Variants in NFATC1 observed in about 807,000 individuals in gnomAD.
NFATC1 encodes nuclear factor of activated T-cells, cytoplasmic 1.
NFATC1 carries 22 observed loss-of-function variants against 76.0 expected under a neutral mutation model. The observed-to-expected ratio is 0.29, with a 90% CI of 0.21 to 0.41. NFATC1 has a LOEUF of 0.41. Ranked by LOEUF, NFATC1 falls within the 10% of genes least tolerant of loss-of-function variation. The pLI is 1.00. For synonymous variants in NFATC1, 704 were observed against 613.1 expected, an observed-to-expected ratio of 1.15 and a Z score of -2.19; for missense variants, 1,357 against 1,337.7, an observed-to-expected ratio of 1.01 and a Z score of -0.23.
At chr18:79,419,461 G>A (rs1457537532) in intron 2 of NFATC1, among the ~76,000 whole-genome samples, 10 of 146,440 alleles carry the variant, frequency 6.8e-5, no homozygotes, top group Non-Finnish European at 1.4e-4. Context: ...AGGAGGGCCG[G>A]CACCTGCCTG....
intron 2 of NFATC1, among the ~76,000 whole-genome samples, chr18:79,414,949 C>T (rs897153698): frequency 6.6e-6 from 1 of 152,188 alleles, no homozygotes; most frequent in African/African-American, 2.4e-5. Context: ...CAAATGGTAG[C>T]TTTTAAAGAT....
At chr18:79,405,381 C>T (rs997995150) in intron 1 of NFATC1, among the ~76,000 whole-genome samples, 3 of 152,224 alleles carry the variant, frequency 2.0e-5, no homozygotes, top group Admixed American at 6.5e-5. Context: ...TGGTGTCTGA[C>T]GTGACATGAA....
intron 2 of NFATC1, among the ~76,000 whole-genome samples, chr18:79,425,249 G>A (rs1465113155): frequency 1.3e-5 from 2 of 148,858 alleles, no homozygotes; most frequent in Non-Finnish European, 3.0e-5. Context: ...CTGTCTCTCT[G>A]TTTCTCTCCC....
chr18:79,419,444 C>T (rs2085991473), intron 2 of NFATC1, among the ~76,000 whole-genome samples: 1 of 135,438 alleles, frequency 7.4e-6, no homozygotes, highest in Non-Finnish European at 1.6e-5. Context: ...TGCCCGGGAG[C>T]CCCCCTAGGA....
chr18:79,445,040 C>T (rs1239147500), intron 3 of NFATC1, among the ~76,000 whole-genome samples: 2 of 152,188 alleles, frequency 1.3e-5, no homozygotes, highest in Non-Finnish European at 2.9e-5. Flanking sequence ...AGGGAGGATG[C>T]GGGGGTGTGT....
At chr18:79,436,509 G>T (rs12967518) in intron 3 of NFATC1, among the ~76,000 whole-genome samples, 9 of 150,908 alleles carry the variant, frequency 6.0e-5, no homozygotes, top group Non-Finnish European at 1.5e-5. Context: ...GTGCCCCCGC[G>T]CCCGGTATCC....
chr18:79,476,151 C>T (rs562673239), intron 8 of NFATC1, among the ~76,000 whole-genome samples: 17 of 152,346 alleles, frequency 1.1e-4, no homozygotes, highest in Admixed American at 3.9e-4. Context: ...AGGAAGCCTG[C>T]GCTCTGGGAC....
chr18:79,431,660 G>T (rs1325465506), intron 2 of NFATC1, among the ~76,000 whole-genome samples: 2 of 152,114 alleles, frequency 1.3e-5, no homozygotes, highest in Non-Finnish European at 2.9e-5. Context: ...CAAAGTTTTG[G>T]GATTACAGGC....
At chr18:79,511,984 C>T (rs1428353004) in intron 9 of NFATC1, among the ~76,000 whole-genome samples, 1 of 152,138 alleles carries the variant, frequency 6.6e-6, no homozygotes, top group Non-Finnish European at 1.5e-5. Context: ...GCAGCTGAGA[C>T]GTCCGCAGCC....
chr18:79,426,395 C>A (rs1308185498), intron 2 of NFATC1, among the ~76,000 whole-genome samples: 1 of 152,236 alleles, frequency 6.6e-6, no homozygotes, highest in East Asian at 1.9e-4. Flanking sequence ...TGGCCGGCTC[C>A]CCAGGCCACG....
At chr18:79,438,383 C>T (rs1051988933) in intron 3 of NFATC1, among the ~76,000 whole-genome samples, 2 of 152,200 alleles carry the variant, frequency 1.3e-5, no homozygotes, top group African/African-American at 4.8e-5. Context: ...CCCCGGCCCT[C>T]GGCCTCCACC....
chr18:79,475,117 C>T (rs2089001192), intron 8 of NFATC1, among the ~76,000 whole-genome samples: 3 of 145,648 alleles, frequency 2.1e-5, no homozygotes, highest in African/African-American at 7.9e-5. Context: ...TTCTCACGCT[C>T]ACTGTCGACA....
chr18:79,486,755 C>G lies in NFATC1; in HGVS notation c.2600C>G (p.Ala867Gly), dbSNP rs763047062. 1 of 1,603,426 alleles carries G rather than the reference C, an allele frequency of 6.2e-7. No homozygotes were observed. Among genetic ancestry groups the G allele is most frequent in the East Asian group, 2.2e-5 (1 of 44,676 alleles). ...ACCTGCCTGCAGCCCTGCAGCCCAG[C>G]GTGCCCGCCCGCCACGGGCCGCCCG... ...EPTCLQPCSP[A>G]CPPATGRPQH... Residue 867 changes from alanine (A) to glycine (G), a missense_variant, in exon 9 of 10, where the codon GCG (alanine) becomes GGG (glycine). By Grantham distance (60) the Ala-to-Gly change is moderately conservative. This residue lies in a region of NFATC1 where 424 missense variants were observed against 395.4 expected (regional missense o/e 1.07). Coordinates refer to ENST00000427363, the MANE Select transcript of NFATC1 (RefSeq NM_001278669.2).
intron 9 of NFATC1, among the ~76,000 whole-genome samples, chr18:79,504,075 G>A (rs111947395): frequency 1.2e-4 from 18 of 152,086 alleles, no homozygotes; most frequent in African/African-American, 2.9e-4. Context: ...CAGATCACTC[G>A]GACTTTCTCT....
intron 8 of NFATC1, among the ~76,000 whole-genome samples, chr18:79,480,631 T>G (rs2089239411): frequency 6.6e-6 from 1 of 152,140 alleles, no homozygotes; most frequent in Non-Finnish European, 1.5e-5. Flanking sequence ...AACGGGGCCG[T>G]GTCTGAGCCG....
At chr18:79,443,680 G>A (rs764582066) in intron 3 of NFATC1, among the ~76,000 whole-genome samples, 5 of 152,228 alleles carry the variant, frequency 3.3e-5, no homozygotes, top group African/African-American at 7.2e-5. Context: ...GCACATGGAC[G>A]CTTCCCTTGA....
chr18:79,407,252 G>A (rs1274242873), intron 1 of NFATC1, among the ~76,000 whole-genome samples: 1 of 152,214 alleles, frequency 6.6e-6, no homozygotes, highest in Non-Finnish European at 1.5e-5. Context: ...GGGGGCGGGG[G>A]GCACAGTGGA....
chr18:79,528,201 G>GCTT lies in NFATC1; in HGVS notation c.*626_*628dup, dbSNP rs1020691207. 8.4e-6 allele frequency: 3 copies of GCTT among 356,530 alleles called. No homozygotes were observed. The highest frequency in any genetic ancestry group is 6.3e-5 in the African/African-American group (3 of 47,844). 22.1% of individuals were successfully genotyped at this position (356,530 alleles called of 1,614,324 possible). A position where few individuals can be genotyped will look rare whatever the true frequency, so the allele number is the denominator to read the frequency against. On this transcript the variant is annotated 3_prime_UTR_variant, in exon 10 of 10. Coordinates refer to ENST00000427363, the MANE Select transcript of NFATC1 (RefSeq NM_001278669.2). ...TGTCATCTCAGCTCTTTTGTAACAT[G>GCTT]CTTCCCTTGTCTGCGCGGTTGAAAC...
At chr18:79,499,247 A>G (rs1457212334) in intron 9 of NFATC1, among the ~76,000 whole-genome samples, 1 of 152,254 alleles carries the variant, frequency 6.6e-6, no homozygotes, top group African/African-American at 2.4e-5. Context: ...AAGTCTTTAC[A>G]TATTATTAGA....
Sources: gnomAD v4.1 joint callset for allele counts (sites outside exome capture counted in the v4.1 genomes callset) on GRCh38, gnomAD v4.1.1 for gene constraint, gnomAD v4.1.1 regional missense constraint, MANE v1.5 for transcripts, NCBI Gene and HGNC (gene_info 2026-07-23, HGNC 2026-07-21) for gene names.